The following F13A1 variants were observed in gnomAD, a reference collection of about 807,000 sequenced individuals.
F13A1 encodes the protein coagulation factor XIII A chain.
In F13A1, 47 loss-of-function variants were observed where a neutral mutation model predicts 80.1. The ratio of observed to expected loss-of-function variants is 0.59; its 90% CI spans 0.46 to 0.75. F13A1 has a LOEUF of 0.75. Ranked by LOEUF, F13A1 falls within the 30% of genes least tolerant of loss-of-function variation. F13A1 has a pLI of 0.00. For synonymous variants in F13A1, 349 were observed against 344.9 expected (o/e 1.01, Z -0.13); for missense variants, 817 against 930.4 (o/e 0.88, Z 1.59).
intron 8 of F13A1, among the ~76,000 whole-genome samples, chr6:6,218,996 C>G (rs1757147990): frequency 6.6e-6 from 1 of 152,224 alleles, no homozygotes; most frequent in Middle Eastern, 3.4e-3. Flanking sequence ...CAAACTGATT[C>G]ATCACAAACT....
At position 6,145,600 on chromosome 6, in the gene F13A1, A is replaced by C. The variant is rs770264550; in HGVS notation, c.*19T>G. 4 of 1,614,158 alleles carry C rather than the reference A, an allele frequency of 2.5e-6. No homozygotes were observed. The highest frequency in any genetic ancestry group is 2.5e-6 in the Non-Finnish European group (3 of 1,179,980). ...TACAAGAGGCCAAATGCCAGGGTTC[A>C]TCTCAGCTTCCTGTGCATTCACATG... On this transcript the variant is annotated 3_prime_UTR_variant, in exon 15 of 15. Transcript: ENST00000264870.
At chr6:6,296,215 A>T (rs1758324511) in intron 3 of F13A1, among the ~76,000 whole-genome samples, 1 of 151,902 alleles carries the variant, frequency 6.6e-6, no homozygotes, top group Non-Finnish European at 1.5e-5. Flanking sequence ...CTTAGGATTG[A>T]TTTGGCAATG....
intron 3 of F13A1, 25 bp downstream of exon 3, chr6:6,305,326 A>G (rs1758496927): frequency 6.2e-7 from 1 of 1,613,704 alleles, no homozygotes; most frequent in Non-Finnish European, 8.5e-7. Context: ...TGGTGTCAAG[A>G]CTGGAGCTTG....
At position 6,318,538 on chromosome 6, in the gene F13A1, G is replaced by A. The variant is rs776816717; in HGVS notation, c.127C>T (p.Gln43Ter). 9 of 1,613,296 alleles carry A rather than the reference G, an allele frequency of 5.6e-6. No individual in the cohort carries two copies. The highest frequency in any genetic ancestry group is 7.6e-6 in the Non-Finnish European group (9 of 1,179,778). The change falls in exon 2 of 15, where the codon CAA becomes TAA. Residue 43 changes from glutamine (Q) to a stop codon, truncating the protein, a stop_gained. Coordinates refer to ENST00000264870, the MANE Select transcript of F13A1 (RefSeq NM_000129.4). LOFTEE classifies it high-confidence loss of function. ...QGVVPRGVNLQEFLNVTSVHL... is the reference protein window; with the variant it reads ...QGVVPRGVNL ...GGGAAGGGGGGTATGCTCATACCTTGCAGGTTGACGCCCCGGGGCACCACG... is the reference window on the plus strand; with the variant it reads ...GGGAAGGGGGGTATGCTCATACCTTACAGGTTGACGCCCCGGGGCACCACG...
intron 8 of F13A1, among the ~76,000 whole-genome samples, chr6:6,217,986 T>A (rs928986687): frequency 5.9e-5 from 9 of 152,176 alleles, no homozygotes; most frequent in African/African-American, 2.2e-4. Flanking sequence ...CACTGTTACA[T>A]GCTGACAAAA....
chr6:6,286,741 T>C (rs1331989209), intron 3 of F13A1, among the ~76,000 whole-genome samples: 2 of 151,914 alleles, frequency 1.3e-5, no homozygotes, highest in Non-Finnish European at 2.9e-5. Context: ...CAGGCCGGGA[T>C]GAAAGTAATA....
rs192137214 is a variant in F13A1 at position 6,205,604 on chromosome 6, T to C, written c.1113-8278A>G. Among the ~76,000 whole-genome samples, 27 of 152,308 alleles carry C rather than the reference T, an allele frequency of 1.8e-4. No homozygotes were observed. In the East Asian group the frequency reaches 4.2e-3, roughly 24 times the overall value. ...ATTTCTTGGATATTTATCAAGAGAA[T>C]TGTAAAGCAGCTTTGTTAATAGCAA... is the stretch of plus-strand genomic sequence containing the variant. On this transcript the variant is annotated intron_variant, in intron 8 of 14. Coordinates refer to ENST00000264870, the MANE Select transcript of F13A1 (RefSeq NM_000129.4).
At chr6:6,316,144 G>GT (rs1471324681) in intron 2 of F13A1, among the ~76,000 whole-genome samples, 12 of 37,834 alleles carry the variant, frequency 3.2e-4, no homozygotes, top group African/African-American at 9.5e-4. Flanking sequence ...TATATATATA[G>GT]TTTTTTTCCT....
At chr6:6,260,031 G>A (rs1757757214) in intron 4 of F13A1, among the ~76,000 whole-genome samples, 1 of 152,112 alleles carries the variant, frequency 6.6e-6, no homozygotes, top group Admixed American at 6.6e-5. Context: ...AAAACATGAT[G>A]AATTCATAAT....
chr6:6,304,989 G>T lies in F13A1; in HGVS notation c.319+362C>A, dbSNP rs139086973. On this transcript the variant is annotated intron_variant, in intron 3 of 14. Coordinates refer to ENST00000264870, the MANE Select transcript of F13A1 (RefSeq NM_000129.4). ...AATCAACTTTCGGAATGCATACTTG[G>T]ATTGCATGCTAAGATTTACAAACAT... 857 of 364,750 alleles carry T rather than the reference G, an allele frequency of 2.3e-3. 14 individuals are homozygous for T. The highest frequency in any genetic ancestry group is 0.017 in the African/African-American group (795 of 47,746). 22.6% of individuals were successfully genotyped at this position (364,750 alleles called of 1,614,324 possible).
Position 6,151,906 on chromosome 6 carries a change from A to G in F13A1, c.1952T>C (p.Val651Ala). 5 of 1,614,046 alleles carry G rather than the reference A, an allele frequency of 3.1e-6. No individual in the cohort carries two copies. In the South Asian group the frequency reaches 3.3e-5, roughly 11 times the overall value. The change falls in exon 14 of 15, where the codon GTT becomes GCT. Residue 651 changes from valine to alanine, a missense_variant. Val to Ala is a moderately conservative substitution (Grantham distance 64, BLOSUM62 0). Transcript: ENST00000264870. Reference sequence around the variant, plus strand: ...TTCTTTTAAAGGATTGGTAAACTCAACTGTCACAGTCATGTCAGAACCAAC... The same window carrying G: ...TTCTTTTAAAGGATTGGTAAACTCAGCTGTCACAGTCATGTCAGAACCAAC... The part of the protein sequence containing the change: ...QVVGSDMTVT[V>A]EFTNPLKETL...
At chr6:6,292,630 A>G (rs1253456939) in intron 3 of F13A1, among the ~76,000 whole-genome samples, 1 of 152,188 alleles carries the variant, frequency 6.6e-6, no homozygotes, top group Admixed American at 6.5e-5. Flanking sequence ...CATAAATGCT[A>G]CTCAAGAAAT....
At chr6:6,178,593 G>A (rs77839777) in intron 11 of F13A1, among the ~76,000 whole-genome samples, 5,227 of 152,204 alleles carry the variant, frequency 0.034, 106 homozygotes, top group South Asian at 0.063. Flanking sequence ...CAGACATGGG[G>A]TGATGGTACA....
chr6:6,243,564 T>C lies in F13A1; in HGVS notation c.798+4748A>G, dbSNP rs1742925. On this transcript the variant is annotated intron_variant, in intron 6 of 14. Coordinates refer to ENST00000264870, the MANE Select transcript of F13A1 (RefSeq NM_000129.4). This position sits in a 1 kb window ranked among gnomAD's most constrained non-coding sequence, Gnocchi z 4.2. The stretch of plus-strand genomic sequence containing the variant: ...TCTCTTCTTTTCTAGGAAATGGCAA[T>C]TCAATCTTACATAATTATTGTGTTA... 0.66 allele frequency among the ~76,000 whole-genome samples: 100,384 copies of C among 152,046 alleles called. 34,076 individuals carry two copies. Among genetic ancestry groups the C allele is most frequent in the African/African-American group, 0.74 (30,755 of 41,460 alleles).
At chr6:6,218,911 T>C (rs1468119672) in intron 8 of F13A1, among the ~76,000 whole-genome samples, 1 of 152,124 alleles carries the variant, frequency 6.6e-6, no homozygotes, top group East Asian at 1.9e-4. Context: ...GCTGGCTGAT[T>C]TCTGGTTTCG....
chr6:6,149,707 A>G (rs1312231413), intron 14 of F13A1, among the ~76,000 whole-genome samples: 4 of 152,212 alleles, frequency 2.6e-5, no homozygotes, highest in African/African-American at 7.2e-5. Flanking sequence ...TGTTTGTTGT[A>G]TAAGCCACCC....
intron 3 of F13A1, among the ~76,000 whole-genome samples, chr6:6,286,099 A>G (rs1194206890): frequency 6.6e-6 from 1 of 152,272 alleles, no homozygotes; most frequent in Non-Finnish European, 1.5e-5. Flanking sequence ...GTATGCCAAC[A>G]GGTAAAACCT....
intron 13 of F13A1, among the ~76,000 whole-genome samples, chr6:6,158,918 T>TTTA: frequency 6.8e-6 from 1 of 146,810 alleles, no homozygotes; most frequent in East Asian, 2.0e-4. Context: ...TTTTTTTTTT[T>TTTA]CGAGACGGAG....
intron 3 of F13A1, among the ~76,000 whole-genome samples, chr6:6,269,560 T>C (rs1214713327): frequency 6.6e-6 from 1 of 152,198 alleles, no homozygotes; most frequent in Non-Finnish European, 1.5e-5. Context: ...AGAATCATCA[T>C]GGAGTCACCT....
Sources: gnomAD v4.1 joint callset for allele counts (sites outside exome capture counted in the v4.1 genomes callset) on GRCh38, gnomAD v4.1.1 for gene constraint, Gnocchi (gnomAD v3.1) non-coding constraint, MANE v1.5 for transcripts, NCBI Gene and HGNC (gene_info 2026-07-23, HGNC 2026-07-21) for gene names.